Variants in HDAC9 observed in about 807,000 individuals in gnomAD.
The protein encoded by HDAC9 is histone deacetylase 9.
Under a neutral mutation model 139.4 loss-of-function variants are expected in HDAC9, and 41 were observed. The ratio of observed to expected loss-of-function variants is 0.29; its 90% CI spans 0.23 to 0.38. The LOEUF (loss-of-function observed/expected upper bound fraction) is 0.38. Among genes scored for constraint, HDAC9 ranks in the 10% least tolerant of loss-of-function variants. The probability of loss-of-function intolerance (pLI) is 1.00; values close to 1 mark genes in which losing one functional copy is unlikely to be tolerated. For synonymous variants in HDAC9, 517 were observed against 476.2 expected, an observed-to-expected ratio of 1.09 and a Z score of -1.12; for missense variants, 1,147 against 1,297.0, an observed-to-expected ratio of 0.88 and a Z score of 1.78.
Position 18,628,156 on chromosome 7 carries a change from A to G in HDAC9, c.665-1194A>G, listed in dbSNP as rs539390352. Among the ~76,000 whole-genome samples, 80 of 152,270 alleles carry G rather than the reference A, an allele frequency of 5.3e-4. 1 individual carries two copies. The highest frequency in any genetic ancestry group is 2.1e-3 in the South Asian group (10 of 4,824). ...GATTAGTGGTGCTTTGGGAAAAACTATTTTATAATTTTTATGATGATAATA... is the reference window on the plus strand; with the variant it reads ...GATTAGTGGTGCTTTGGGAAAAACTGTTTTATAATTTTTATGATGATAATA... On this transcript the variant is annotated intron_variant, in intron 6 of 25. Transcript: ENST00000686413.
intron 22 of HDAC9, among the ~76,000 whole-genome samples, chr7:18,895,168 T>C (rs1196181872): frequency 1.3e-5 from 2 of 152,026 alleles, no homozygotes; most frequent in African/African-American, 2.4e-5. Flanking sequence ...GTGAGACCAG[T>C]CAGAATAACT....
At chr7:18,514,295 A>G (rs916539724) in intron 2 of HDAC9, among the ~76,000 whole-genome samples, 4 of 152,242 alleles carry the variant, frequency 2.6e-5, no homozygotes, top group African/African-American at 4.8e-5. Context: ...CAAATTTCTT[A>G]TAGCTTAGAA....
At chr7:18,402,836 A>G (rs1283351021) in intron 1 of HDAC9, among the ~76,000 whole-genome samples, 1 of 152,218 alleles carries the variant, frequency 6.6e-6, no homozygotes, top group Non-Finnish European at 1.5e-5. Context: ...AAAAAGCCAT[A>G]TACATTATAT....
At chr7:18,100,376 T>C (rs1782768866) in intron 1 of HDAC9, among the ~76,000 whole-genome samples, 1 of 152,228 alleles carries the variant, frequency 6.6e-6, no homozygotes, top group Non-Finnish European at 1.5e-5. Flanking sequence ...TTAGTCATTA[T>C]TTCTTCAGAA....
At chr7:18,278,351 A>G (rs924554278) in intron 2 of HDAC9, among the ~76,000 whole-genome samples, 4 of 152,214 alleles carry the variant, frequency 2.6e-5, no homozygotes, top group African/African-American at 9.6e-5. Flanking sequence ...AAACAAAAAC[A>G]TACGCTTTGA....
intron 25 of HDAC9, among the ~76,000 whole-genome samples, chr7:18,982,885 C>T (rs925724393): frequency 2.0e-5 from 3 of 152,124 alleles, no homozygotes; most frequent in Non-Finnish European, 2.9e-5. Flanking sequence ...CGTATACCTA[C>T]GGATGGATGT....
chr7:18,592,626 T>C (rs1025590052), intron 5 of HDAC9, among the ~76,000 whole-genome samples: 2 of 152,100 alleles, frequency 1.3e-5, no homozygotes, highest in African/African-American at 4.8e-5. Flanking sequence ...GTTAATGTAC[T>C]TATAAGGCTA....
At chr7:18,116,979 C>G (rs886834961) in intron 1 of HDAC9, among the ~76,000 whole-genome samples, 1 of 152,208 alleles carries the variant, frequency 6.6e-6, no homozygotes, top group Non-Finnish European at 1.5e-5. Context: ...TACAATCATT[C>G]TGAATTGGTC....
intron 2 of HDAC9, among the ~76,000 whole-genome samples, chr7:18,566,340 C>T (rs1021175857): frequency 6.6e-6 from 1 of 152,206 alleles, no homozygotes; most frequent in African/African-American, 2.4e-5. Flanking sequence ...AATTCTCTAT[C>T]ATTTCTTATC....
At chr7:18,641,116 C>T (rs1278146235) in intron 8 of HDAC9, among the ~76,000 whole-genome samples, 2 of 152,062 alleles carry the variant, frequency 1.3e-5, no homozygotes, top group African/African-American at 4.8e-5. Flanking sequence ...GACATTCTCA[C>T]TCTTTTAATT....
chr7:18,116,038 G>A (rs949061710), intron 1 of HDAC9, among the ~76,000 whole-genome samples: 2 of 152,092 alleles, frequency 1.3e-5, no homozygotes, highest in Non-Finnish European at 1.5e-5. Context: ...ATTCATCCAC[G>A]TTTTGAAATT....
rs183745644 is a variant in HDAC9, at chr7:18,564,542, G to A, written c.23-20739G>A. Among the ~76,000 whole-genome samples the A allele has an allele frequency of 4.3e-4, 65 of 152,130 alleles. 1 individual carries two copies. Among genetic ancestry groups the A allele is most frequent in the South Asian group, 2.1e-3 (10 of 4,824 alleles). ...TCTAAGCTAAATGAAAAATAAGTGC[G>A]CAATTCTAATATTCAAAAACAGGAT... On this transcript the variant is annotated intron_variant, in intron 2 of 25. Transcript: ENST00000686413.
Position 18,495,769 on chromosome 7 carries a change from A to G in HDAC9, c.-296A>G, listed in dbSNP as rs1796777753. 1.0e-6 allele frequency: 1 copy of G among 994,342 alleles called. No homozygotes were observed. Among genetic ancestry groups the G allele is most frequent in the Non-Finnish European group, 1.2e-6 (1 of 836,128 alleles). 61.6% of individuals were successfully genotyped at this position (994,342 alleles called of 1,614,324 possible). On this transcript the variant is annotated 5_prime_UTR_variant, in exon 1 of 26. Transcript: ENST00000686413. ...AGGGGGAAGAGAGGCACAGACACAG[A>G]TAGGAGAAGGGCACCGGCTGGAGCC...
At chr7:18,352,696 A>C (rs191469883) in intron 1 of HDAC9, among the ~76,000 whole-genome samples, 13 of 152,190 alleles carry the variant, frequency 8.5e-5, no homozygotes, top group South Asian at 2.1e-4. Context: ...AGGGAAAATG[A>C]CGGGAAATAG....
At chr7:18,929,932 C>A (rs911147318) in intron 22 of HDAC9, among the ~76,000 whole-genome samples, 2 of 144,414 alleles carry the variant, frequency 1.4e-5, no homozygotes, top group African/African-American at 5.0e-5. Flanking sequence ...CAGCAAGACG[C>A]CGCCTCAAAA....
At chr7:18,382,979 A>G (rs1329176627) in intron 1 of HDAC9, among the ~76,000 whole-genome samples, 1 of 152,220 alleles carries the variant, frequency 6.6e-6, no homozygotes, top group African/African-American at 2.4e-5. Context: ...TAAATGGGGC[A>G]ACTTAAATTT....
rs1787151632 is a variant in HDAC9, at chr7:18,738,641, A to AT, written c.1910-10363dup. Among the ~76,000 whole-genome samples the AT allele has an allele frequency of 1.3e-5, 2 of 152,178 alleles. 1 individual carries two copies. Among genetic ancestry groups the AT allele is most frequent in the South Asian group, 4.1e-4 (2 of 4,832 alleles). Reference sequence around the variant, plus strand: ...TGCAGAGAGATCCGCTGTTAGTCTGATGGGCTTCCCTTTGTGGGTAACCCG... The same window carrying AT: ...TGCAGAGAGATCCGCTGTTAGTCTGATTGGGCTTCCCTTTGTGGGTAACCCG... On this transcript the variant is annotated intron_variant, in intron 13 of 25. Transcript: ENST00000686413.
chr7:18,890,019 C>T (rs948285393), intron 22 of HDAC9, among the ~76,000 whole-genome samples: 2 of 152,186 alleles, frequency 1.3e-5, no homozygotes, highest in Admixed American at 1.3e-4. Context: ...TTTCTAATTG[C>T]GTGACCTTGG....
intron 24 of HDAC9, among the ~76,000 whole-genome samples, chr7:18,973,789 T>C (rs540669726): frequency 6.6e-6 from 1 of 152,334 alleles, no homozygotes; most frequent in African/African-American, 2.4e-5. Flanking sequence ...ATTCTGTTAC[T>C]TCGTTTTGGA....
Sources: allele counts gnomAD v4.1 joint callset (sites outside exome capture counted in the v4.1 genomes callset), GRCh38; gene constraint gnomAD v4.1.1; transcripts MANE v1.5; gene names NCBI Gene and HGNC (gene_info 2026-07-23, HGNC 2026-07-21).